Variants in MINAR1 observed in about 807,000 individuals in gnomAD.
MINAR1 encodes the protein membrane integral NOTCH2 associated receptor 1.
Under a neutral mutation model 65.1 loss-of-function variants are expected in MINAR1, and 40 were observed. The observed-to-expected ratio is 0.61, with a 90% confidence interval of 0.48 to 0.80. The LOEUF (loss-of-function observed/expected upper bound fraction) is 0.80. Ranked by LOEUF, MINAR1 falls within the 30% of genes least tolerant of loss-of-function variation. The probability of loss-of-function intolerance (pLI) is 0.00; values close to 1 mark genes in which losing one functional copy is unlikely to be tolerated. For missense variants in MINAR1, 1,128 were observed against 1,148.0 expected (o/e 0.98, Z 0.25); for synonymous variants, 482 against 449.1 (o/e 1.07, Z -0.93).
At chr15:79,432,231 C>A (rs910941578), upstream of MINAR1, among the ~76,000 whole-genome samples, 1 of 152,124 alleles carries the variant, frequency 6.6e-6, no homozygotes, top group Non-Finnish European at 1.5e-5. Context: ...GGCTGCGCGC[C>A]GCCCCAGAGG....
At position 79,457,494 on chromosome 15, in the gene MINAR1, T is replaced by A. The variant is rs201473692; in HGVS notation, c.1347T>A (p.His449Gln). ...CATCCCCTGTTGACCTGGAGAAGCA[T>A]GAACCAGTCAAAAAGTTTAAAGACA... ...EISSPVDLEK[H>Q]EPVKKFKDKS... The change falls in exon 2 of 4, where the codon CAT (histidine) becomes CAA (glutamine). Residue 449 changes from histidine to glutamine, a missense_variant. His to Gln is a conservative substitution (Grantham distance 24). Transcript: ENST00000305428. 6.2e-6 allele frequency: 10 copies of A among 1,614,150 alleles called. No homozygotes were observed. The African/African-American group carries it at 1.1e-4, about 17-fold the overall frequency.
At position 79,456,545 on chromosome 15, in the gene MINAR1, A is replaced by T. The variant is rs758370159; in HGVS notation, c.398A>T (p.Glu133Val). Residue 133 changes from glutamate to valine, a missense_variant, in exon 2 of 4, where the codon GAG becomes GTG. Coordinates refer to ENST00000305428, the MANE Select transcript of MINAR1 (RefSeq NM_015206.3). Reference sequence around the variant, plus strand: ...GACACAGAGATCTGCAATGCAGCTGAGTGTGAGCCCCTGAACTGTGAGCTG... The same window carrying T: ...GACACAGAGATCTGCAATGCAGCTGTGTGTGAGCCCCTGAACTGTGAGCTG... ...RSDTEICNAA[E>V]CEPLNCELSE... 2.5e-6 allele frequency: 4 copies of T among 1,614,084 alleles called. No individual in the cohort carries two copies. In the South Asian group the frequency reaches 4.4e-5, roughly 18 times the overall value.
intron 1 of MINAR1, among the ~76,000 whole-genome samples, chr15:79,440,912 G>A (rs998526839): frequency 1.3e-5 from 2 of 152,034 alleles, no homozygotes; most frequent in African/African-American, 2.4e-5. Flanking sequence ...GCTCATGAGG[G>A]CAGGGTTTTT....
intron 1 of MINAR1, among the ~76,000 whole-genome samples, chr15:79,441,065 A>T (rs1894855611): frequency 6.6e-6 from 1 of 152,200 alleles, no homozygotes; most frequent in African/African-American, 2.4e-5. Context: ...CAGGAAGAGG[A>T]ATTGATATCT....
At chr15:79,419,729 A>G in the MINAR1 span, 1 of 152,250 alleles carries the variant, frequency 6.6e-6, no homozygotes, top group Non-Finnish European at 1.5e-5. Flanking sequence ...GACTAGAATC[A>G]AAGAGTAAAT....
chr15:79,427,140 A>C, the MINAR1 span: 1 of 152,238 alleles, frequency 6.6e-6, no homozygotes, highest in African/African-American at 2.4e-5. Context: ...GCTGAAGGCC[A>C]TTATCCTTAG....
At chr15:79,416,506 A>T in the MINAR1 span, 1 of 152,202 alleles carries the variant, frequency 6.6e-6, no homozygotes, top group Non-Finnish European at 1.5e-5. Flanking sequence ...CCACTTCATT[A>T]ATAATGGCAA....
chr15:79,458,578 C>T (rs1215850950), intron 2 of MINAR1, 133 bp downstream of exon 2: 11 of 1,134,560 alleles, frequency 9.7e-6, no homozygotes, highest in Non-Finnish European at 1.2e-5. Flanking sequence ...CCAGGTTTGG[C>T]AGGGTTTTCA....
Position 79,457,931 on chromosome 15 carries a change from G to T in MINAR1, c.1784G>T (p.Ser595Ile). Reference sequence around the variant, plus strand: ...CACTCGGAAGAAGAGCTGAAGACCAGTGTGTGCAAACTGGTGCTCAGGATT... The same window carrying T: ...CACTCGGAAGAAGAGCTGAAGACCATTGTGTGCAAACTGGTGCTCAGGATT... ...THHSEEELKT[S>I]VCKLVLRIGE... The change falls in exon 2 of 4, where the codon AGT becomes ATT. Residue 595 changes from serine to isoleucine, a missense_variant. Ser to Ile is a moderately radical substitution (Grantham distance 142, BLOSUM62 -2). Coordinates refer to ENST00000305428, the MANE Select transcript of MINAR1 (RefSeq NM_015206.3). The T allele has an allele frequency of 6.2e-7, 1 of 1,614,218 alleles. No individual in the cohort carries two copies. Among genetic ancestry groups the T allele is most frequent in the Non-Finnish European group, 8.5e-7 (1 of 1,180,044 alleles).
the MINAR1 span, chr15:79,418,150 A>G: frequency 6.6e-6 from 1 of 152,204 alleles, no homozygotes; most frequent in Non-Finnish European, 1.5e-5. Context: ...TGTTTATGGG[A>G]ATCCCAGCAG....
intron 1 of MINAR1, among the ~76,000 whole-genome samples, chr15:79,450,361 A>G (rs1895151132): frequency 6.6e-6 from 1 of 152,144 alleles, no homozygotes; most frequent in African/African-American, 2.4e-5. Flanking sequence ...CACCTACAGA[A>G]TCTTCAAGGA....
chr15:79,433,053 C>G (rs1037721182), intron 1 of MINAR1, among the ~76,000 whole-genome samples: 2 of 152,154 alleles, frequency 1.3e-5, no homozygotes, highest in Non-Finnish European at 1.5e-5. Flanking sequence ...TTGTTCTTCC[C>G]GAGGGTTTGA....
At chr15:79,422,220 G>A in the MINAR1 span, 2 of 152,140 alleles carry the variant, frequency 1.3e-5, no homozygotes, top group Non-Finnish European at 2.9e-5. Flanking sequence ...TCACAGTCAG[G>A]AGGCACCACT....
the MINAR1 span, chr15:79,424,139 A>G: frequency 2.0e-5 from 3 of 152,212 alleles, no homozygotes; most frequent in African/African-American, 4.8e-5. Context: ...AGGCATGCCC[A>G]TCAATGCCGA....
intron 1 of MINAR1, among the ~76,000 whole-genome samples, chr15:79,439,325 TGG>T (rs1894790132): frequency 3.1e-5 from 1 of 32,262 alleles, no homozygotes; most frequent in East Asian, 1.3e-3. Context: ...TGATGAGATG[TGG>T]GTGGGGTAGG....
chr15:79,436,573 G>A (rs1188028133), intron 1 of MINAR1, among the ~76,000 whole-genome samples: 1 of 152,192 alleles, frequency 6.6e-6, no homozygotes, highest in African/African-American at 2.4e-5. Flanking sequence ...TGCTTTGTGA[G>A]CCAAGAATGA....
chr15:79,431,445 G>A (rs1894432781), upstream of MINAR1, among the ~76,000 whole-genome samples: 1 of 150,330 alleles, frequency 6.7e-6, no homozygotes, highest in Admixed American at 6.6e-5. Context: ...TATCCAGTAA[G>A]CTTTTGGAAA....
At position 79,456,538 on chromosome 15, in the gene MINAR1, G is replaced by C. The variant is rs1895422335; in HGVS notation, c.391G>C (p.Ala131Pro). 6.2e-7 allele frequency: 1 copy of C among 1,614,090 alleles called. No homozygotes were observed. Among genetic ancestry groups the C allele is most frequent in the Non-Finnish European group, 8.5e-7 (1 of 1,180,036 alleles). Reference sequence around the variant, plus strand: ...TAGGTCGGACACAGAGATCTGCAATGCAGCTGAGTGTGAGCCCCTGAACTG... The same window carrying C: ...TAGGTCGGACACAGAGATCTGCAATCCAGCTGAGTGTGAGCCCCTGAACTG... The part of the protein sequence containing the change: ...SCRSDTEICN[A>P]AECEPLNCEL... Residue 131 changes from alanine (A) to proline (P), a missense_variant, in exon 2 of 4, where the codon GCA (alanine) becomes CCA (proline). Coordinates refer to ENST00000305428, the MANE Select transcript of MINAR1 (RefSeq NM_015206.3).
At chr15:79,412,547 C>G in the MINAR1 span, 1 of 152,430 alleles carries the variant, frequency 6.6e-6, no homozygotes, top group Non-Finnish European at 1.5e-5. Context: ...CTGCCAGTCT[C>G]CCGCTCCCAT....
Sources: gnomAD v4.1 joint callset for allele counts (sites outside exome capture counted in the v4.1 genomes callset) on GRCh38, gnomAD v4.1.1 for gene constraint, MANE v1.5 for transcripts, NCBI Gene and HGNC (gene_info 2026-07-23, HGNC 2026-07-21) for gene names.